The following L3MBTL4 variants were observed in gnomAD, a reference collection of about 807,000 sequenced individuals.
The protein encoded by L3MBTL4 is lethal(3)malignant brain tumor-like protein 4.
A neutral mutation model predicts 84.5 loss-of-function variants in L3MBTL4; 70 were observed. The observed-to-expected ratio is 0.83, with a 90% CI of 0.68 to 1.01. The LOEUF (loss-of-function observed/expected upper bound fraction) is 1.01, where lower values mean the gene tolerates loss of function less well. L3MBTL4 is among the 50% of genes least tolerant of loss of function. The pLI is 0.00. For synonymous variants in L3MBTL4, 274 were observed against 259.8 expected (o/e 1.05, Z -0.52); for missense variants, 715 against 754.8 (o/e 0.95, Z 0.62).
At chr18:6,336,864 A>T (rs1231265551) in intron 1 of L3MBTL4, among the ~76,000 whole-genome samples, 4 of 152,266 alleles carry the variant, frequency 2.6e-5, no homozygotes, top group African/African-American at 4.8e-5. Context: ...TTCAGATATT[A>T]GAGCTAATAC....
intron 16 of L3MBTL4, among the ~76,000 whole-genome samples, chr18:6,038,577 A>G (rs2056256558): frequency 6.6e-6 from 1 of 152,000 alleles, no homozygotes; most frequent in African/African-American, 2.4e-5. Flanking sequence ...TTGACTGGTA[A>G]CCTGACTTGG....
At chr18:6,289,498 TA>T (rs2049749681) in intron 4 of L3MBTL4, among the ~76,000 whole-genome samples, 1 of 152,240 alleles carries the variant, frequency 6.6e-6, no homozygotes, top group African/African-American at 2.4e-5. Context: ...GTTTCAAGTT[TA>T]AAATGTTGTC....
chr18:6,039,914 A>G (rs1297736090), intron 16 of L3MBTL4, among the ~76,000 whole-genome samples: 1 of 152,226 alleles, frequency 6.6e-6, no homozygotes, highest in Non-Finnish European at 1.5e-5. Context: ...AATAAAAATA[A>G]CACAATGTTC....
intron 1 of L3MBTL4, among the ~76,000 whole-genome samples, chr18:6,374,881 T>C (rs1251937810): frequency 1.3e-5 from 2 of 152,180 alleles, no homozygotes; most frequent in African/African-American, 4.8e-5. Flanking sequence ...CCGTGAAATC[T>C]ATGGAAAAAT....
intron 13 of L3MBTL4, among the ~76,000 whole-genome samples, chr18:6,140,942 T>C (rs1218929845): frequency 2.6e-5 from 4 of 151,736 alleles, no homozygotes; most frequent in Non-Finnish European, 5.9e-5. Context: ...CTAGACTCAG[T>C]CAGTATTTTC....
At chr18:6,308,864 C>T (rs2050706731) in intron 3 of L3MBTL4, among the ~76,000 whole-genome samples, 1 of 152,076 alleles carries the variant, frequency 6.6e-6, no homozygotes, top group South Asian at 2.1e-4. Flanking sequence ...TAATTTAATT[C>T]TTACTTTACT....
At chr18:6,117,289 G>A (rs371841443) in intron 14 of L3MBTL4, among the ~76,000 whole-genome samples, 37 of 152,228 alleles carry the variant, frequency 2.4e-4, no homozygotes, top group African/African-American at 8.2e-4. Context: ...GGATGAGGGA[G>A]TCATGATTGG....
At chr18:6,133,752 A>G (rs548746726) in intron 14 of L3MBTL4, among the ~76,000 whole-genome samples, 17 of 152,274 alleles carry the variant, frequency 1.1e-4, no homozygotes, top group African/African-American at 4.1e-4. Flanking sequence ...TGCCAGGGAA[A>G]GGCAGCCTCC....
At position 6,278,730 on chromosome 18, in the gene L3MBTL4, G is replaced by C. The variant is rs533457548; in HGVS notation, c.128-14692C>G. ...CCCTCACTTATCAATGTCTTCTACT[G>C]GTCTATTCAAATGTTCAACCTTTTC... is the stretch of plus-strand genomic sequence containing the variant. On this transcript the variant is annotated intron_variant, in intron 4 of 18. Transcript: ENST00000317931. 3.3e-5 allele frequency among the ~76,000 whole-genome samples: 5 copies of C among 152,074 alleles called. No homozygotes were observed. In the South Asian group the frequency reaches 1.0e-3, roughly 32 times the overall value.
intron 2 of L3MBTL4, 31 bp from the exon 3 acceptor site, chr18:6,311,687 G>T: frequency 7.6e-7 from 1 of 1,318,058 alleles, no homozygotes; most frequent in Non-Finnish European, 1.1e-6. Context: ...AGAAGTTGGG[G>T]ATGGGGGTGT....
rs191234825 is a variant in L3MBTL4 at position 6,321,944 on chromosome 18, G to T, written c.-90-9888C>A. Among the ~76,000 whole-genome samples the T allele has an allele frequency of 2.0e-5, 3 of 152,140 alleles. No homozygotes were observed. In the East Asian group the frequency reaches 5.8e-4, roughly 29 times the overall value. On this transcript the variant is annotated intron_variant, in intron 1 of 18. Transcript: ENST00000317931. ...GGGAGAAAAAAAAACTACATATTTG[G>T]TATAATGTACACTACTCAGGTAATG...
Position 5,956,399 on chromosome 18 carries a change from T to C in L3MBTL4, c.1678-12A>G, listed in dbSNP as rs1157084810. 6.2e-7 allele frequency: 1 copy of C among 1,612,142 alleles called. No individual in the cohort carries two copies. The highest frequency in any genetic ancestry group is 8.5e-7 in the Non-Finnish European group (1 of 1,179,248). ...TTGCCATCGATCTGCTGCAAATACA[T>C]AAATAGACACAAATAAAAATGTTTT... On this transcript the variant is annotated splice_polypyrimidine_tract_variant and intron_variant, in intron 18 of 18. Coordinates refer to ENST00000317931, the MANE Select transcript of L3MBTL4 (RefSeq NM_001330559.2).
intron 16 of L3MBTL4, among the ~76,000 whole-genome samples, chr18:6,070,838 A>G (rs1038315299): frequency 6.6e-6 from 1 of 152,006 alleles, no homozygotes; most frequent in Non-Finnish European, 1.5e-5. Context: ...ACCCTGTCTA[A>G]AAAAATAATA....
chr18:6,165,498 C>G (rs564667093), intron 13 of L3MBTL4, among the ~76,000 whole-genome samples: 1 of 152,134 alleles, frequency 6.6e-6, no homozygotes. Context: ...AGAAATTCTA[C>G]AAGCCAGAAG....
intron 3 of L3MBTL4, among the ~76,000 whole-genome samples, chr18:6,302,162 T>TC (rs1344309771): frequency 1.4e-4 from 21 of 152,120 alleles, no homozygotes; most frequent in African/African-American, 5.1e-4. Context: ...CCATTAAAAG[T>TC]ATTGCTTCTG....
chr18:6,411,354 G>C lies in L3MBTL4; in HGVS notation c.-91+3447C>G, dbSNP rs937968152. 5.3e-5 allele frequency among the ~76,000 whole-genome samples: 8 copies of C among 152,270 alleles called. No homozygotes were observed. The East Asian group carries it at 1.5e-3, about 29-fold the overall frequency. ...CAAAATATTTTTGCCAATGCTACAA[G>C]ATGGAAATGTTTTGTAAAGTGTAAA... On this transcript the variant is annotated intron_variant, in intron 1 of 18. Transcript: ENST00000317931.
chr18:6,003,119 TAAAA>T, intron 16 of L3MBTL4, among the ~76,000 whole-genome samples: 2 of 100,972 alleles, frequency 2.0e-5, no homozygotes, highest in African/African-American at 7.9e-5. Flanking sequence ...AGATACTATA[TAAAA>T]TATAGTATCT....
chr18:6,234,237 A>T (rs2146027658), intron 10 of L3MBTL4, among the ~76,000 whole-genome samples: 1 of 152,348 alleles, frequency 6.6e-6, no homozygotes, highest in South Asian at 2.1e-4. Flanking sequence ...AGGCAGTACC[A>T]TTCAGGACAT....
At chr18:6,293,593 T>TA (rs1193866588) in intron 4 of L3MBTL4, among the ~76,000 whole-genome samples, 1 of 152,216 alleles carries the variant, frequency 6.6e-6, no homozygotes, top group Admixed American at 6.5e-5. Context: ...ATAAAACACT[T>TA]ACTAATTCCA....
Sources: allele counts gnomAD v4.1 joint callset (sites outside exome capture counted in the v4.1 genomes callset), GRCh38; gene constraint gnomAD v4.1.1; transcripts MANE v1.5; gene names NCBI Gene and HGNC (gene_info 2026-07-23, HGNC 2026-07-21).